Variants in FAM3D observed in about 807,000 individuals in gnomAD.
The protein encoded by FAM3D is FAM3 metabolism regulating signaling molecule D, also known as protein FAM3D.
FAM3D carries 26 observed loss-of-function variants against 29.8 expected under a neutral mutation model. The ratio of observed to expected loss-of-function variants is 0.87; its 90% CI spans 0.64 to 1.21. The LOEUF is 1.21. FAM3D is among the 50% of genes most tolerant of loss of function. The pLI is 0.00. For synonymous variants in FAM3D, 115 were observed against 102.3 expected (o/e 1.12, Z -0.75); for missense variants, 253 against 290.9 (o/e 0.87, Z 0.95).
chr3:58,636,030 CT>C (rs535389111), intron 9 of FAM3D, among the ~76,000 whole-genome samples: 68 of 152,366 alleles, frequency 4.5e-4, no homozygotes, highest in African/African-American at 1.5e-3. Context: ...CATCATCCTT[CT>C]TTTCTCCTTT....
At chr3:58,647,310 G>A (rs749151832) in intron 4 of FAM3D, among the ~76,000 whole-genome samples, 17 of 152,216 alleles carry the variant, frequency 1.1e-4, no homozygotes, top group South Asian at 4.1e-4. Context: ...GGGCCGGGCT[G>A]GGGGTGGACC....
Position 58,635,948 on chromosome 3 carries a change from C to T in FAM3D, c.585+346G>A, listed in dbSNP as rs567370888. Among the ~76,000 whole-genome samples, 46 of 152,346 alleles carry T rather than the reference C, an allele frequency of 3.0e-4. 1 individual carries two copies. The highest frequency in any genetic ancestry group is 2.9e-3 in the Admixed American group (45 of 15,304). Reference sequence around the variant, plus strand: ...TGGGGACAGGCATCCTGCTCCTTTCCCCGGGATCCCCTTCCCCGCCACACA... The same window carrying T: ...TGGGGACAGGCATCCTGCTCCTTTCTCCGGGATCCCCTTCCCCGCCACACA... On this transcript the variant is annotated intron_variant, in intron 9 of 9. Transcript: ENST00000358781. This position sits in a 1 kb window ranked among gnomAD's most constrained non-coding sequence, Gnocchi z 5.2.
At chr3:58,653,263 G>A (rs2066698718) in intron 3 of FAM3D, among the ~76,000 whole-genome samples, 1 of 152,138 alleles carries the variant, frequency 6.6e-6, no homozygotes, top group Admixed American at 6.5e-5. Flanking sequence ...CAGGTGGGAG[G>A]GCAGGTGGGG....
chr3:58,653,384 C>T (rs1047077414), intron 3 of FAM3D, among the ~76,000 whole-genome samples: 2 of 152,164 alleles, frequency 1.3e-5, no homozygotes, highest in Non-Finnish European at 2.9e-5. Context: ...TCTGTTCTTC[C>T]TCCCTCTGTC....
rs577002534 is a variant in FAM3D at position 58,656,279 on chromosome 3, G to T, written c.-38-678C>A. ...TTTAATCCTCACAACCCCCATGTTAGGGATGAGTAAGCAAGACCCACCATG... is the reference window on the plus strand; with the variant it reads ...TTTAATCCTCACAACCCCCATGTTATGGATGAGTAAGCAAGACCCACCATG... On this transcript the variant is annotated intron_variant, in intron 1 of 9. Coordinates refer to ENST00000358781, the MANE Select transcript of FAM3D (RefSeq NM_138805.3). Among the ~76,000 whole-genome samples, 8 of 152,280 alleles carry T rather than the reference G, an allele frequency of 5.3e-5. No homozygotes were observed. In the South Asian group the frequency reaches 1.7e-3, roughly 32 times the overall value.
intron 4 of FAM3D, 134 bp from the exon 5 acceptor site, chr3:58,645,760 G>A (rs540275482): frequency 1.7e-5 from 13 of 755,086 alleles, no homozygotes; most frequent in South Asian, 9.9e-5. Context: ...GGGAGCCTTC[G>A]CTGATTGCAA....
chr3:58,665,667 G>A (rs2106976665), intron 1 of FAM3D, among the ~76,000 whole-genome samples: 1 of 152,238 alleles, frequency 6.6e-6, no homozygotes, highest in South Asian at 2.1e-4. Flanking sequence ...TAGAGTCAGT[G>A]TGGCATAGTG....
intron 7 of FAM3D, among the ~76,000 whole-genome samples, chr3:58,638,722 T>A (rs1389506051): frequency 6.6e-6 from 1 of 152,156 alleles, no homozygotes; most frequent in Non-Finnish European, 1.5e-5. Flanking sequence ...TTATTAGTAT[T>A]CCAGTGCGGA....
intron 5 of FAM3D, among the ~76,000 whole-genome samples, chr3:58,644,978 C>G (rs568981813): frequency 6.6e-6 from 1 of 152,230 alleles, no homozygotes; most frequent in African/African-American, 2.4e-5. Flanking sequence ...TTTAAACACC[C>G]GTCCCTGAGT....
Position 58,640,174 on chromosome 3 carries a change from G to A in FAM3D, c.326C>T (p.Thr109Ile). ...CTTCTGTCCCAGCACAGCTCCCGTG[G>A]TTCCTAGGGGTTAAGAGGAGAACGA... is the stretch of plus-strand genomic sequence containing the variant. ...RGLNIALVNG[T>I]TGAVLGQKAF... The change falls in exon 7 of 10, where the codon ACC becomes ATC. Residue 109 changes from threonine (T) to isoleucine (I), a missense_variant. Thr to Ile is a moderately conservative substitution (Grantham distance 89). Coordinates refer to ENST00000358781, the MANE Select transcript of FAM3D (RefSeq NM_138805.3). 2 of 1,614,188 alleles carry A rather than the reference G, an allele frequency of 1.2e-6. No homozygotes were observed. Among genetic ancestry groups the A allele is most frequent in the Non-Finnish European group, 1.7e-6 (2 of 1,180,034 alleles).
intron 4 of FAM3D, 32 bp downstream of exon 4, chr3:58,649,283 C>G (rs371548809): frequency 1.2e-6 from 2 of 1,606,320 alleles, no homozygotes; most frequent in Non-Finnish European, 1.7e-6. Context: ...TGGATGAGGT[C>G]GGGGGAGGTG....
intron 3 of FAM3D, chr3:58,649,551 A>C (rs977758261): frequency 1.5e-5 from 9 of 590,964 alleles, no homozygotes; most frequent in Non-Finnish European, 2.7e-5. Context: ...ACACACACGC[A>C]CACACATATA....
chr3:58,645,656 G>A (rs1559500330), intron 4 of FAM3D, 30 bp from the exon 5 acceptor site: 1 of 1,591,350 alleles, frequency 6.3e-7, no homozygotes, highest in Admixed American at 1.7e-5. Flanking sequence ...GCCTTGGTGG[G>A]CAGAAGCTCA....
intron 5 of FAM3D, among the ~76,000 whole-genome samples, chr3:58,644,991 T>C (rs886726291): frequency 3.9e-5 from 6 of 152,358 alleles, no homozygotes; most frequent in East Asian, 1.9e-4. Context: ...CCCTGAGTTC[T>C]TTCATAGGTT....
chr3:58,635,194 T>A lies in FAM3D; in HGVS notation c.586-826A>T, dbSNP rs926818622. Among the ~76,000 whole-genome samples the A allele has an allele frequency of 2.6e-5, 4 of 152,060 alleles. No individual in the cohort carries two copies. The highest frequency in any genetic ancestry group is 9.7e-5 in the African/African-American group (4 of 41,394). ...TATCTCTAAAATATATATATACTAG[T>A]AATAAGTATGTAAGAAGAATAAAAT... On this transcript the variant is annotated intron_variant, in intron 9 of 9. Transcript: ENST00000358781. The surrounding 1 kb of genome is among the most constrained non-coding windows in gnomAD (Gnocchi z 5.2).
intron 1 of FAM3D, among the ~76,000 whole-genome samples, chr3:58,665,332 C>G (rs2067009534): frequency 6.6e-6 from 1 of 152,008 alleles, no homozygotes; most frequent in South Asian, 2.1e-4. Context: ...CTCTTTCTTT[C>G]CTCCTGTTCC....
intron 3 of FAM3D, among the ~76,000 whole-genome samples, chr3:58,650,680 C>T (rs1350805785): frequency 1.3e-5 from 2 of 152,120 alleles, no homozygotes; most frequent in Non-Finnish European, 2.9e-5. Context: ...TTTGTTGAAA[C>T]CAGTTAAAGT....
intron 4 of FAM3D, among the ~76,000 whole-genome samples, chr3:58,647,775 C>G (rs1362940743): frequency 6.6e-6 from 1 of 152,194 alleles, no homozygotes; most frequent in Non-Finnish European, 1.5e-5. Flanking sequence ...CCCAACCCCC[C>G]CGGGAACCCT....
intron 4 of FAM3D, 37 bp from the exon 5 acceptor site, chr3:58,645,663 C>A (rs1285252168): frequency 6.4e-7 from 1 of 1,574,496 alleles, no homozygotes; most frequent in Admixed American, 1.7e-5. Context: ...TGGGCAGAAG[C>A]TCAGGAGGTA....
Sources: gnomAD v4.1 joint callset for allele counts (sites outside exome capture counted in the v4.1 genomes callset) on GRCh38, gnomAD v4.1.1 for gene constraint, Gnocchi (gnomAD v3.1) non-coding constraint, MANE v1.5 for transcripts, NCBI Gene and HGNC (gene_info 2026-07-23, HGNC 2026-07-21) for gene names.